Variants in IQSEC1 observed in about 807,000 individuals in gnomAD.
The protein encoded by IQSEC1 is IQ motif and SEC7 domain-containing protein 1.
IQSEC1 carries 31 observed loss-of-function variants against 91.0 expected under a neutral mutation model. That is an observed-to-expected ratio of 0.34 (90% CI 0.26 to 0.46). IQSEC1 has a LOEUF of 0.46. IQSEC1 is among the 20% of genes least tolerant of loss of function. The probability of loss-of-function intolerance (pLI) is 1.00; values close to 1 mark genes in which losing one functional copy is unlikely to be tolerated. For synonymous variants in IQSEC1, 699 were observed against 662.6 expected, an observed-to-expected ratio of 1.05 and a Z score of -0.84; for missense variants, 1,388 against 1,575.6, an observed-to-expected ratio of 0.88 and a Z score of 2.02.
intron 1 of IQSEC1, among the ~76,000 whole-genome samples, chr3:13,187,517 G>A (rs763991213): frequency 6.6e-6 from 1 of 152,146 alleles, no homozygotes; most frequent in Non-Finnish European, 1.5e-5. Context: ...TATTTAACTT[G>A]TTTATTGTCC....
chr3:13,157,764 C>A (rs6442355), intron 2 of IQSEC1, among the ~76,000 whole-genome samples: 84,504 of 152,042 alleles, frequency 0.56, 23,590 homozygotes, highest in Middle Eastern at 0.61. Context: ...TGAGCAGCCG[C>A]GTCTCCACAG....
chr3:13,048,156 C>T (rs895869285), intron 1 of IQSEC1, among the ~76,000 whole-genome samples: 2 of 152,232 alleles, frequency 1.3e-5, no homozygotes, highest in Non-Finnish European at 1.5e-5. Context: ...TGTCCCCTCA[C>T]CTCTCTGTGC....
intron 2 of IQSEC1, among the ~76,000 whole-genome samples, chr3:12,937,417 T>C (rs1030700376): frequency 6.6e-6 from 1 of 152,248 alleles, no homozygotes; most frequent in Non-Finnish European, 1.5e-5. Flanking sequence ...CACAGGCTTC[T>C]GGACTCATTT....
chr3:13,254,963 C>G (rs6785446), intron 1 of IQSEC1, among the ~76,000 whole-genome samples: 28,035 of 152,056 alleles, frequency 0.18, 2,607 homozygotes, highest in East Asian at 0.26. Flanking sequence ...AGCTCCAGAT[C>G]CGACAAGGCA....
In IQSEC1 at chr3:12,994,718, C is replaced by T. The variant is rs548155094; in HGVS notation, c.24-52853G>A. Among the ~76,000 whole-genome samples, 2 of 152,328 alleles carry T rather than the reference C, an allele frequency of 1.3e-5. No homozygotes were observed. Among genetic ancestry groups the T allele is most frequent in the Non-Finnish European group, 1.5e-5 (1 of 68,026 alleles). On this transcript the variant is annotated intron_variant, in intron 1 of 13. Coordinates refer to ENST00000613206, the MANE Select transcript of IQSEC1 (RefSeq NM_001134382.3). The surrounding 1 kb of genome is among the most constrained non-coding windows in gnomAD (Gnocchi z 4.5). ...GGCGCACAGCTGCACCACGCTCCTC[C>T]GCGTCCCCTCCAGGACACACCCTCC...
At chr3:13,106,340 T>A (rs888542310) in intron 2 of IQSEC1, among the ~76,000 whole-genome samples, 8 of 152,162 alleles carry the variant, frequency 5.3e-5, no homozygotes, top group African/African-American at 1.9e-4. Flanking sequence ...GCTTGGCAGC[T>A]CCTTGGGACC....
In IQSEC1 at chr3:12,898,706, A is replaced by G. The variant is rs970259544; in HGVS notation, c.*2277T>C. On this transcript the variant is annotated 3_prime_UTR_variant, in exon 14 of 14. Coordinates refer to ENST00000613206, the MANE Select transcript of IQSEC1 (RefSeq NM_001134382.3). ...ACAGAAGAGGGTGAGAAAAGCTGAC[A>G]TACTCAATATGTAATCGCTTTACTT... 2 of 152,368 alleles carry G rather than the reference A, an allele frequency of 1.3e-5. No individual in the cohort carries two copies. Among genetic ancestry groups the G allele is most frequent in the Non-Finnish European group, 1.5e-5 (1 of 68,130 alleles). 9.4% of individuals were successfully genotyped at this position (152,368 alleles called of 1,614,324 possible).
Position 12,936,278 on chromosome 3 carries a change from G to A in IQSEC1, c.738C>T (p.Cys246=). ...GTGCCTCCTCAGTGTGCAGGCTGCG[G>A]CAGTTGAGGGCATCGTCGATGGACT... ...LAESIDDALN[C]RSLHTEEAPA... The change falls in exon 3 of 14, where the codon TGC becomes TGT. Residue 246 remains cysteine (C), a synonymous_variant. Transcript: ENST00000613206. 1 of 1,613,330 alleles carries A rather than the reference G, an allele frequency of 6.2e-7. No homozygotes were observed. Among genetic ancestry groups the A allele is most frequent in the Non-Finnish European group, 8.5e-7 (1 of 1,179,982 alleles).
chr3:12,942,428 C>T (rs1030539510), intron 1 of IQSEC1, among the ~76,000 whole-genome samples: 2 of 151,968 alleles, frequency 1.3e-5, no homozygotes, highest in Non-Finnish European at 2.9e-5. Context: ...CGGCGAAACC[C>T]TGTCTCTACT....
intron 6 of IQSEC1, among the ~76,000 whole-genome samples, chr3:12,917,900 G>A (rs573489164): frequency 1.3e-5 from 2 of 152,346 alleles, no homozygotes; most frequent in South Asian, 2.1e-4. Flanking sequence ...GAGCTACTCC[G>A]CCTTCACAGT....
chr3:13,073,141 A>G lies in IQSEC1; in HGVS notation c.-127T>C. 8.7e-7 allele frequency: 1 copy of G among 1,146,194 alleles called. No individual in the cohort carries two copies. The highest frequency in any genetic ancestry group is 1.3e-6 in the Non-Finnish European group (1 of 793,046). The allele number at this position is 1,146,194 out of a possible 1,614,324, so 71.0% of individuals were successfully genotyped here. On this transcript the variant is annotated 5_prime_UTR_variant, in exon 1 of 14. It removes the in-frame stop codon of an upstream open reading frame in the 5' UTR. Transcript: ENST00000613206. ...ATAAAATTAAATCGCGGGGCGAGTCACATTCCCGGGGGTGGCGGGCTCCTC... is the reference window on the plus strand; with the variant it reads ...ATAAAATTAAATCGCGGGGCGAGTCGCATTCCCGGGGGTGGCGGGCTCCTC...
At chr3:13,278,933 T>G (rs867815179) in intron 1 of IQSEC1, among the ~76,000 whole-genome samples, 1 of 152,142 alleles carries the variant, frequency 6.6e-6, no homozygotes, top group South Asian at 2.1e-4. Flanking sequence ...GGCAAGGCCA[T>G]GATTTCTGAG....
chr3:12,931,350 C>T lies in IQSEC1; in HGVS notation c.1568+4098G>A, dbSNP rs143460691. On this transcript the variant is annotated intron_variant, in intron 3 of 13. Transcript: ENST00000613206. ...TTTCCATCATCAGCACCACAGGCTA[C>T]GGGAGCAGCACTGCACATCCTCTGG... Among the ~76,000 whole-genome samples, 17 of 152,320 alleles carry T rather than the reference C, an allele frequency of 1.1e-4. No homozygotes were observed. In the East Asian group the frequency reaches 2.5e-3, roughly 22 times the overall value.
At chr3:12,930,644 G>A (rs1038769610) in intron 3 of IQSEC1, among the ~76,000 whole-genome samples, 5 of 152,332 alleles carry the variant, frequency 3.3e-5, no homozygotes, top group African/African-American at 9.6e-5. Flanking sequence ...GCAAGGGGCA[G>A]GGCCAACCCT....
intron 2 of IQSEC1, among the ~76,000 whole-genome samples, chr3:13,084,739 G>C (rs1026906090): frequency 1.3e-5 from 2 of 152,162 alleles, no homozygotes; most frequent in Admixed American, 1.3e-4. Flanking sequence ...GAAGTCACTG[G>C]TACAAAGCGG....
At chr3:13,001,742 C>A (rs1477380900) in intron 1 of IQSEC1, among the ~76,000 whole-genome samples, 3 of 152,200 alleles carry the variant, frequency 2.0e-5, no homozygotes. Flanking sequence ...CAAGACAATT[C>A]ATTGGAAACA....
chr3:13,133,748 C>T (rs1287401569), intron 2 of IQSEC1, among the ~76,000 whole-genome samples: 2 of 152,246 alleles, frequency 1.3e-5, no homozygotes, highest in Non-Finnish European at 2.9e-5. Flanking sequence ...AAACTCTCTC[C>T]CCAAGGGGAT....
At chr3:13,180,240 T>C (rs867462683) in intron 1 of IQSEC1, among the ~76,000 whole-genome samples, 214 of 144,392 alleles carry the variant, frequency 1.5e-3, no homozygotes, top group African/African-American at 6.0e-3. Context: ...ATACACCAAT[T>C]GGCACTCTGT....
intron 2 of IQSEC1, among the ~76,000 whole-genome samples, chr3:13,125,082 C>G (rs1275382102): frequency 1.3e-5 from 2 of 152,192 alleles, no homozygotes; most frequent in Non-Finnish European, 2.9e-5. Context: ...CAGTGCGCAG[C>G]TCCCCACTGC....
Sources: allele counts gnomAD v4.1 joint callset (sites outside exome capture counted in the v4.1 genomes callset), GRCh38; gene constraint gnomAD v4.1.1; non-coding constraint Gnocchi (gnomAD v3.1); transcripts MANE v1.5; gene names NCBI Gene and HGNC (gene_info 2026-07-23, HGNC 2026-07-21).